The following IL1RAPL2 variants were observed in gnomAD, a reference collection of about 807,000 sequenced individuals.
IL1RAPL2 encodes X-linked interleukin-1 receptor accessory protein-like 2.
Under a neutral mutation model 44.1 loss-of-function variants are expected in IL1RAPL2, and 3 were observed. The observed-to-expected ratio is 0.07, with a 90% CI of 0.03 to 0.18. IL1RAPL2 has a LOEUF of 0.18. IL1RAPL2 is among the 10% of genes least tolerant of loss of function. The pLI is 1.00. For synonymous variants in IL1RAPL2, 181 were observed against 178.8 expected (o/e 1.01, Z -0.10); for missense variants, 391 against 496.4 (o/e 0.79, Z 2.02).
At chrX:104,656,241 T>A (rs1275579509) in intron 1 of IL1RAPL2, among the ~76,000 whole-genome samples, 1 of 111,354 alleles carries the variant, frequency 9.0e-6, no homozygotes, top group Non-Finnish European at 1.9e-5. Flanking sequence ...TGTTCTTGCT[T>A]CTCCAGTTCT....
chrX:104,890,152 T>A (rs1923381113), intron 2 of IL1RAPL2, among the ~76,000 whole-genome samples: 1 of 112,242 alleles, frequency 8.9e-6, no homozygotes, highest in Non-Finnish European at 1.9e-5. Context: ...GGCTGCATAG[T>A]ATACTGTGGT....
At chrX:105,322,542 G>GGAGGTCATTCTCAACTCCTA (rs2034904236) in intron 5 of IL1RAPL2, among the ~76,000 whole-genome samples, 1 of 111,501 alleles carries the variant, frequency 9.0e-6, no homozygotes, top group Non-Finnish European at 1.9e-5. Context: ...GCTGTCACCT[G>GGAGGTCATTCTCAACTCCTA]GAGGTCATTC....
chrX:105,222,194 T>G (rs2033971998), intron 3 of IL1RAPL2, among the ~76,000 whole-genome samples: 1 of 112,161 alleles, frequency 8.9e-6, no homozygotes, highest in Non-Finnish European at 1.9e-5. Context: ...AGGGATACAC[T>G]GATTTTGGCG....
At chrX:105,453,688 C>G (rs988816503) in intron 5 of IL1RAPL2, among the ~76,000 whole-genome samples, 1 of 111,781 alleles carries the variant, frequency 8.9e-6, no homozygotes, top group African/African-American at 3.3e-5. Context: ...TCCCAATTCC[C>G]TTCCTCTAGG....
At chrX:105,480,808 A>G (rs991754972) in intron 5 of IL1RAPL2, among the ~76,000 whole-genome samples, 1 of 112,330 alleles carries the variant, frequency 8.9e-6, no homozygotes, top group Non-Finnish European at 1.9e-5. Context: ...TGCAAATGCT[A>G]TAATTATGCA....
At chrX:105,357,503 ATTG>A (rs2035211896) in intron 5 of IL1RAPL2, among the ~76,000 whole-genome samples, 1 of 111,510 alleles carries the variant, frequency 9.0e-6, no homozygotes, top group African/African-American at 3.2e-5. Context: ...AATTTCAGTA[ATTG>A]TTATTTCTTA....
intron 4 of IL1RAPL2, among the ~76,000 whole-genome samples, chrX:105,238,122 A>G (rs782788878): frequency 2.3e-4 from 26 of 112,183 alleles, no homozygotes; most frequent in African/African-American, 7.4e-4. Context: ...GGAAGTGAGG[A>G]ACACAAACAG....
At chrX:104,784,044 C>A (rs1402144965) in intron 2 of IL1RAPL2, among the ~76,000 whole-genome samples, 1 of 111,450 alleles carries the variant, frequency 9.0e-6, no homozygotes, top group Non-Finnish European at 1.9e-5. Flanking sequence ...CCTCCCCCAG[C>A]TGCCAATAAT....
At chrX:105,699,233 C>A (rs1190033177) in intron 6 of IL1RAPL2, among the ~76,000 whole-genome samples, 5 of 111,318 alleles carry the variant, frequency 4.5e-5, no homozygotes, top group African/African-American at 1.6e-4. Context: ...ACTTTAGACA[C>A]ACAAAACCTG....
intron 6 of IL1RAPL2, among the ~76,000 whole-genome samples, chrX:105,504,211 A>G (rs746171342): frequency 1.0e-3 from 114 of 111,609 alleles, no homozygotes; most frequent in African/African-American, 3.5e-3. Flanking sequence ...AAGATACACT[A>G]TTAGACAAAC....
At chrX:105,279,354 A>T (rs1249074928) in intron 5 of IL1RAPL2, among the ~76,000 whole-genome samples, 1 of 112,104 alleles carries the variant, frequency 8.9e-6, no homozygotes, top group Non-Finnish European at 1.9e-5. Flanking sequence ...ATGGTGGAAT[A>T]AAGCCTCAGG....
In IL1RAPL2 at chrX:105,349,482, C is replaced by G. The variant is rs147169711; in HGVS notation, c.697+81941C>G. On this transcript the variant is annotated intron_variant, in intron 5 of 10. Transcript: ENST00000372582. ...ATAGTTCAGAATCTAGTAATTCCCACAAGTATAATGGTATGAGAATTTAAC... is the reference window on the plus strand; with the variant it reads ...ATAGTTCAGAATCTAGTAATTCCCAGAAGTATAATGGTATGAGAATTTAAC... Among the ~76,000 whole-genome samples the G allele has an allele frequency of 4.0e-4, 45 of 111,719 alleles. 1 individual carries two copies. In the East Asian group the frequency reaches 0.012, roughly 31 times the overall value.
chrX:104,591,665 A>G (rs922194716), intron 1 of IL1RAPL2, among the ~76,000 whole-genome samples: 2 of 107,345 alleles, frequency 1.9e-5, no homozygotes, highest in African/African-American at 6.8e-5. Context: ...CTTCCTATAC[A>G]ATGATGTTAG....
At chrX:105,508,897 T>G (rs2036450337) in intron 6 of IL1RAPL2, among the ~76,000 whole-genome samples, 2 of 111,844 alleles carry the variant, frequency 1.8e-5, no homozygotes, top group Non-Finnish European at 3.8e-5. Flanking sequence ...CTTCCCTAAG[T>G]GTCAGGAGAC....
At chrX:104,673,198 C>A (rs1930655134) in intron 2 of IL1RAPL2, among the ~76,000 whole-genome samples, 1 of 111,499 alleles carries the variant, frequency 9.0e-6, no homozygotes. Flanking sequence ...ATGGTAATGC[C>A]TAGGTTTTCT....
chrX:104,968,432 A>G (rs2030168150), intron 2 of IL1RAPL2, among the ~76,000 whole-genome samples: 1 of 112,001 alleles, frequency 8.9e-6, no homozygotes, highest in South Asian at 3.7e-4. Context: ...TGCAATCATC[A>G]TGTTCAATGG....
intron 4 of IL1RAPL2, among the ~76,000 whole-genome samples, chrX:105,240,605 A>G (rs893365966): frequency 5.4e-5 from 6 of 111,497 alleles, no homozygotes; most frequent in African/African-American, 2.0e-4. Flanking sequence ...CATGCTTGTG[A>G]ATTTTTCAGA....
At chrX:105,239,025 GGTCA>G (rs1162253366) in intron 4 of IL1RAPL2, among the ~76,000 whole-genome samples, 1 of 111,231 alleles carries the variant, frequency 9.0e-6, no homozygotes, top group African/African-American at 3.3e-5. Context: ...CCTTACCTAG[GGTCA>G]CCAGGAACCA....
chrX:104,646,537 T>C (rs1042344826), intron 1 of IL1RAPL2, among the ~76,000 whole-genome samples: 1 of 111,610 alleles, frequency 9.0e-6, no homozygotes, highest in African/African-American at 3.3e-5. Context: ...ATTTCAATGG[T>C]ATCAGTCGGA....
Sources: allele counts gnomAD v4.1 joint callset (sites outside exome capture counted in the v4.1 genomes callset), GRCh38; gene constraint gnomAD v4.1.1; transcripts MANE v1.5; gene names NCBI Gene and HGNC (gene_info 2026-07-23, HGNC 2026-07-21).